Variants in SERINC5 observed in about 807,000 individuals in gnomAD.
The protein encoded by SERINC5 is chromosome 5 open reading frame 12.
In SERINC5, 41 loss-of-function variants were observed where a neutral mutation model predicts 63.1. The ratio of observed to expected loss-of-function variants is 0.65; its 90% CI spans 0.51 to 0.84. SERINC5 has a LOEUF of 0.84. Ranked by LOEUF, SERINC5 falls within the 40% of genes least tolerant of loss-of-function variation. SERINC5 has a pLI of 0.00. For synonymous variants in SERINC5, 222 were observed against 215.2 expected (o/e 1.03, Z -0.28); for missense variants, 523 against 573.0 (o/e 0.91, Z 0.89).
At chr5:80,193,929 C>T (rs1749348319) in intron 2 of SERINC5, among the ~76,000 whole-genome samples, 1 of 152,152 alleles carries the variant, frequency 6.6e-6, no homozygotes, top group African/African-American at 2.4e-5. Context: ...GGAGGGAACT[C>T]AGAGGATTTA....
In SERINC5 at chr5:80,143,946, C is replaced by G. The variant is rs553084250; in HGVS notation, c.1239-136G>C. 3.6e-5 allele frequency: 37 copies of G among 1,032,618 alleles called. No individual in the cohort carries two copies. The African/African-American group carries it at 4.0e-4, about 11-fold the overall frequency. The allele number at this position is 1,032,618 out of a possible 1,614,324, so 64.0% of individuals were successfully genotyped here. A position where few individuals can be genotyped will look rare whatever the true frequency, so the allele number is the denominator to read the frequency against. On this transcript the variant is annotated intron_variant, in intron 11 of 11. Transcript: ENST00000507668. The stretch of plus-strand genomic sequence containing the variant: ...ACACAGACTTGTGCTACCATCAACA[C>G]TACCCATTTCCAAACATTCTCATCA...
In SERINC5 at chr5:80,140,722, C is replaced by G; in HGVS notation, c.*2941G>C. 1.0e-6 allele frequency: 1 copy of G among 985,166 alleles called. No individual in the cohort carries two copies. Among genetic ancestry groups the G allele is most frequent in the Non-Finnish European group, 1.2e-6 (1 of 829,852 alleles). The allele number at this position is 985,166 out of a possible 1,614,324, so 61.0% of individuals were successfully genotyped here. A position where few individuals can be genotyped will look rare whatever the true frequency, so the allele number is the denominator to read the frequency against. ...CCGCGGTATGACACTCCCATAAGAA[C>G]CCCCACCCCCCTGCCACCCACTTAG... On this transcript the variant is annotated 3_prime_UTR_variant, in exon 12 of 12. Coordinates refer to ENST00000507668, the MANE Select transcript of SERINC5 (RefSeq NM_001174072.3).
intron 1 of SERINC5, among the ~76,000 whole-genome samples, chr5:80,225,998 C>T (rs1751148847): frequency 6.6e-6 from 1 of 151,686 alleles, no homozygotes. Context: ...TATCAAGGTA[C>T]TACTCTAAGG....
intron 4 of SERINC5, among the ~76,000 whole-genome samples, chr5:80,176,109 G>A (rs1035440828): frequency 6.6e-6 from 1 of 152,002 alleles, no homozygotes; most frequent in Non-Finnish European, 1.5e-5. Flanking sequence ...AACCCGTGAG[G>A]CAGAGGCTGC....
At chr5:80,137,164 CAAAA>C (rs796274001), downstream of SERINC5, among the ~76,000 whole-genome samples, 1 of 79,082 alleles carries the variant, frequency 1.3e-5, no homozygotes, top group Non-Finnish European at 2.9e-5. Flanking sequence ...AAAAAAAAAA[CAAAA>C]AAAACACCTA....
chr5:80,169,239 T>C, intron 6 of SERINC5, 96 bp downstream of exon 6: 3 of 1,046,908 alleles, frequency 2.9e-6, no homozygotes, highest in Non-Finnish European at 4.3e-6. Flanking sequence ...ATACACTAGT[T>C]CCAAACAAAC....
At chr5:80,239,403 G>A (rs909581098) in intron 1 of SERINC5, among the ~76,000 whole-genome samples, 6 of 7,610 alleles carry the variant, frequency 7.9e-4, no homozygotes, top group African/African-American at 3.7e-3. Context: ...ATACCCAGAG[G>A]CACAATCCCC....
chr5:80,223,538 T>C (rs1751016494), intron 1 of SERINC5, among the ~76,000 whole-genome samples: 1 of 152,196 alleles, frequency 6.6e-6, no homozygotes, highest in African/African-American at 2.4e-5. Context: ...TTTTATAAAA[T>C]TATAACTGGT....
intron 1 of SERINC5, among the ~76,000 whole-genome samples, chr5:80,247,316 T>C (rs192134677): frequency 6.6e-6 from 1 of 152,270 alleles, no homozygotes; most frequent in East Asian, 1.9e-4. Flanking sequence ...TGTCTCATAG[T>C]CACTCCCAGA....
downstream of SERINC5, chr5:80,138,665 T>C (rs1251803552): frequency 4.3e-6 from 1 of 234,788 alleles, no homozygotes; most frequent in East Asian, 1.8e-4. Context: ...CATGAGGTAA[T>C]GCATATGCTA....
intron 1 of SERINC5, among the ~76,000 whole-genome samples, chr5:80,209,388 T>C (rs1750328905): frequency 2.6e-5 from 4 of 152,156 alleles, no homozygotes; most frequent in African/African-American, 9.7e-5. Flanking sequence ...ACGGTGGCCA[T>C]GTACAAGCCA....
At chr5:80,137,694 C>T (rs1745270981), downstream of SERINC5, among the ~76,000 whole-genome samples, 1 of 140,432 alleles carries the variant, frequency 7.1e-6, no homozygotes, top group Admixed American at 7.2e-5. Context: ...GTAATCCCAG[C>T]ACTTTGGGAG....
intron 8 of SERINC5, among the ~76,000 whole-genome samples, chr5:80,156,189 A>G (rs189189279): frequency 6.6e-6 from 1 of 152,212 alleles, no homozygotes; most frequent in African/African-American, 2.4e-5. Flanking sequence ...AATTTCTATC[A>G]AGAATCCTAG....
At chr5:80,126,955 C>A (rs1036332578) in intron 11 of SERINC5, among the ~76,000 whole-genome samples, 6 of 152,064 alleles carry the variant, frequency 3.9e-5, no homozygotes, top group African/African-American at 1.4e-4. Context: ...TACTCATCAT[C>A]AAAAACTTTC....
chr5:80,213,448 C>G (rs1750527311), intron 1 of SERINC5, among the ~76,000 whole-genome samples: 3 of 152,176 alleles, frequency 2.0e-5, no homozygotes, highest in Admixed American at 1.3e-4. Flanking sequence ...AAGTACTAGA[C>G]TTAATTTAAA....
chr5:80,138,162 G>A (rs1272199811), downstream of SERINC5, among the ~76,000 whole-genome samples: 1 of 151,974 alleles, frequency 6.6e-6, no homozygotes, highest in Non-Finnish European at 1.5e-5. Context: ...GTGGTTACTA[G>A]GGGCTGGAGG....
chr5:80,193,385 C>T (rs548045623), intron 2 of SERINC5, among the ~76,000 whole-genome samples: 1 of 152,264 alleles, frequency 6.6e-6, no homozygotes, highest in South Asian at 2.1e-4. Flanking sequence ...TATTTATCTG[C>T]AGGCTACTCC....
chr5:80,237,960 T>A (rs1477283246), intron 1 of SERINC5, among the ~76,000 whole-genome samples: 1 of 151,422 alleles, frequency 6.6e-6, no homozygotes, highest in African/African-American at 2.4e-5. Flanking sequence ...AAAAATTAGC[T>A]GGGCGTGGTG....
chr5:80,239,032 T>C (rs1473132063), intron 1 of SERINC5, among the ~76,000 whole-genome samples: 1 of 152,196 alleles, frequency 6.6e-6, no homozygotes, highest in African/African-American at 2.4e-5. Flanking sequence ...GTGAGCTGAC[T>C]AGCTGTGTGG....
Sources: gnomAD v4.1 joint callset for allele counts (sites outside exome capture counted in the v4.1 genomes callset) on GRCh38, gnomAD v4.1.1 for gene constraint, MANE v1.5 for transcripts, NCBI Gene and HGNC (gene_info 2026-07-23, HGNC 2026-07-21) for gene names.